Variants in BLNK observed in about 807,000 individuals in gnomAD.
BLNK encodes the protein B-cell linker protein.
In BLNK, 29 loss-of-function variants were observed where a neutral mutation model predicts 73.5. The observed-to-expected ratio is 0.39, with a 90% CI of 0.29 to 0.54. BLNK has a LOEUF of 0.54. Among genes scored for constraint, BLNK ranks in the 20% least tolerant of loss-of-function variants. The pLI is 0.61. For missense variants in BLNK, 460 were observed against 562.8 expected (o/e 0.82, Z 1.85); for synonymous variants, 176 against 200.8 (o/e 0.88, Z 1.04).
rs1554894864 is a variant in BLNK at position 96,197,032 on chromosome 10, C to A, written c.1127G>T (p.Gly376Val). ...DGSFLIRKSS[G>V]HDSKQPYTLV... The stretch of plus-strand genomic sequence containing the variant: ...TGTATATGGTTGTTTGGAATCATGG[C>A]CAGAGCTTTTCCGAATAAGAAATGA... The change falls in exon 16 of 17, where the codon GGC (glycine) becomes GTC (valine). Residue 376 changes from glycine to valine, a missense_variant. Around this residue, in one of 3 missense-constraint regions of BLNK, gnomAD observed 88 missense variants for 143.4 expected, o/e 0.61. Coordinates refer to ENST00000224337, the MANE Select transcript of BLNK (RefSeq NM_013314.4). The A allele has an allele frequency of 6.2e-7, 1 of 1,612,716 alleles. No individual in the cohort carries two copies. The highest frequency in any genetic ancestry group is 8.5e-7 in the Non-Finnish European group (1 of 1,179,354).
intron 1 of BLNK, among the ~76,000 whole-genome samples, chr10:96,247,520 A>G (rs1843096155): frequency 6.6e-6 from 1 of 152,186 alleles, no homozygotes; most frequent in Non-Finnish European, 1.5e-5. Context: ...GATATTTGAA[A>G]CTTCTGTAGA....
intron 5 of BLNK, 23 bp from the exon 6 acceptor site, chr10:96,224,012 CAT>C (rs1554901858): frequency 5.0e-6 from 8 of 1,612,028 alleles, no homozygotes; most frequent in African/African-American, 1.3e-5. Context: ...AAACAAAAAA[CAT>C]AACATAAAAG....
At chr10:96,232,817 CTTT>C (rs67469119) in intron 3 of BLNK, among the ~76,000 whole-genome samples, 44 of 139,438 alleles carry the variant, frequency 3.2e-4, no homozygotes, top group Non-Finnish European at 3.1e-4. Context: ...CTTTTCTAGT[CTTT>C]TTTTTTTTTT....
At chr10:96,218,318 T>C (rs1285109896) in intron 6 of BLNK, among the ~76,000 whole-genome samples, 2 of 152,192 alleles carry the variant, frequency 1.3e-5, no homozygotes, top group Non-Finnish European at 1.5e-5. Flanking sequence ...AAGAGAGATA[T>C]CACCATTGGC....
At chr10:96,239,641 A>G (rs1204397488) in intron 3 of BLNK, among the ~76,000 whole-genome samples, 1 of 152,180 alleles carries the variant, frequency 6.6e-6, no homozygotes, top group Non-Finnish European at 1.5e-5. Flanking sequence ...GAGGGAAAAA[A>G]TATTTAAGAG....
At chr10:96,209,701 G>A (rs747382398) in intron 9 of BLNK, 137 bp downstream of exon 9, 3 of 1,095,010 alleles carry the variant, frequency 2.7e-6, no homozygotes, top group Non-Finnish European at 2.8e-6. Context: ...CTCATTTGAT[G>A]TTAGCAGGGC....
intron 6 of BLNK, among the ~76,000 whole-genome samples, chr10:96,220,548 G>T (rs587714404): frequency 2.0e-5 from 3 of 152,304 alleles, no homozygotes; most frequent in Admixed American, 2.0e-4. Flanking sequence ...ATAAGTAAAT[G>T]ACCAAGAACC....
intron 10 of BLNK, 101 bp downstream of exon 10, chr10:96,207,771 C>A: frequency 1.4e-6 from 2 of 1,399,572 alleles, no homozygotes; most frequent in Non-Finnish European, 2.0e-6. Context: ...GCTAAGATTG[C>A]TGTGTTCACC....
intron 3 of BLNK, among the ~76,000 whole-genome samples, chr10:96,241,855 G>A (rs1199531970): frequency 6.6e-6 from 1 of 151,754 alleles, no homozygotes; most frequent in Non-Finnish European, 1.5e-5. Flanking sequence ...CTGAGTAGCT[G>A]GGACTACAGG....
intron 8 of BLNK, among the ~76,000 whole-genome samples, chr10:96,213,440 G>A (rs587648053): frequency 3.2e-4 from 49 of 152,340 alleles, no homozygotes; most frequent in South Asian, 2.1e-4. Context: ...GCAAAGGAGA[G>A]CTCTCTGAGG....
chr10:96,207,209 A>G (rs587711102), intron 10 of BLNK, among the ~76,000 whole-genome samples, 156 bp from the exon 11 acceptor site: 1 of 152,352 alleles, frequency 6.6e-6, no homozygotes, highest in African/African-American at 2.4e-5. Context: ...CACAGTCCCT[A>G]GCCCAACCTT....
In BLNK at chr10:96,191,174, T is replaced by C. The variant is rs2039500080; in HGVS notation, c.*799A>G. Among the ~76,000 whole-genome samples the C allele has an allele frequency of 1.3e-5, 2 of 151,700 alleles. No individual in the cohort carries two copies. Among genetic ancestry groups the C allele is most frequent in the African/African-American group, 4.8e-5 (2 of 41,278 alleles). ...GTAAAACATGCCTTTGCTTCTTCTTTGCCTTCTGCCATGATTGTGAGGCCT... is the reference window on the plus strand; with the variant it reads ...GTAAAACATGCCTTTGCTTCTTCTTCGCCTTCTGCCATGATTGTGAGGCCT... On this transcript the variant is annotated 3_prime_UTR_variant, in exon 17 of 17. Coordinates refer to ENST00000224337, the MANE Select transcript of BLNK (RefSeq NM_013314.4).
intron 1 of BLNK, among the ~76,000 whole-genome samples, chr10:96,269,416 G>GAA (rs1190930102): frequency 7.3e-6 from 1 of 136,448 alleles, no homozygotes; most frequent in African/African-American, 3.0e-5. Context: ...GAATATGTCT[G>GAA]AAAACAAAAA....
intron 3 of BLNK, among the ~76,000 whole-genome samples, chr10:96,232,648 G>C (rs934370741): frequency 1.4e-4 from 21 of 152,326 alleles, no homozygotes; most frequent in African/African-American, 4.6e-4. Context: ...ACTTTGACGT[G>C]AACAGAAAAG....
intron 5 of BLNK, 30 bp downstream of exon 5, chr10:96,227,380 C>A (rs587615350): frequency 1.2e-6 from 2 of 1,609,014 alleles, no homozygotes; most frequent in East Asian, 2.2e-5. Context: ...GCCTGGAAGG[C>A]CGAGTGCCCA....
chr10:96,229,653 G>GCT (rs782627813), intron 4 of BLNK, among the ~76,000 whole-genome samples: 1 of 48,072 alleles, frequency 2.1e-5, no homozygotes, highest in Non-Finnish European at 4.2e-5. Flanking sequence ...TTTACATGTG[G>GCT]CTGTGTGTGT....
intron 1 of BLNK, 62 bp downstream of exon 1, chr10:96,271,290 C>T: frequency 6.4e-7 from 1 of 1,554,480 alleles, no homozygotes; most frequent in Non-Finnish European, 8.9e-7. Flanking sequence ...TCTGAGATGC[C>T]ATAAGAGCAC....
rs71034364 is a variant in BLNK, at chr10:96,194,768, A to ATTTTTTTTTTTTT, written c.1251+2127_1251+2139dup. On this transcript the variant is annotated intron_variant, in intron 16 of 16. Coordinates refer to ENST00000224337, the MANE Select transcript of BLNK (RefSeq NM_013314.4). ...ATCACTAATCATCAGAGAAATGCAA[A>ATTTTTTTTTTTTT]TTTTTTTTTTTTTTTTTTTTGAGAC... is the stretch of plus-strand genomic sequence containing the variant. 2.9e-3 allele frequency among the ~76,000 whole-genome samples: 315 copies of ATTTTTTTTTTTTT among 110,248 alleles called. 13 individuals are homozygous for ATTTTTTTTTTTTT. The highest frequency in any genetic ancestry group is 9.1e-3 in the African/African-American group (284 of 31,292). The allele number at this position is 110,248 out of a possible 152,430, so 72.3% of individuals were successfully genotyped here. A position where few individuals can be genotyped will look rare whatever the true frequency, so the allele number is the denominator to read the frequency against.
intron 12 of BLNK, 121 bp downstream of exon 12, chr10:96,204,411 C>T: frequency 8.5e-7 from 1 of 1,175,714 alleles, no homozygotes; most frequent in East Asian, 2.3e-5. Flanking sequence ...AACTGCAAAA[C>T]AATGAAATGT....
Sources: gnomAD v4.1 joint callset for allele counts (sites outside exome capture counted in the v4.1 genomes callset) on GRCh38, gnomAD v4.1.1 for gene constraint, gnomAD v4.1.1 regional missense constraint, MANE v1.5 for transcripts, NCBI Gene and HGNC (gene_info 2026-07-23, HGNC 2026-07-21) for gene names.